Variants in AFF4 observed in about 807,000 individuals in gnomAD.
The protein encoded by AFF4 is ALF transcription elongation factor 4.
In AFF4, 13 loss-of-function variants were observed where a neutral mutation model predicts 124.8. The ratio of observed to expected loss-of-function variants is 0.10; its 90% CI spans 0.07 to 0.17. The LOEUF is 0.17. AFF4 is among the 10% of genes least tolerant of loss of function. The probability of loss-of-function intolerance (pLI) is 1.00; values close to 1 mark genes in which losing one functional copy is unlikely to be tolerated. For missense variants in AFF4, 1,092 were observed against 1,403.8 expected (o/e 0.78, Z 3.55); for synonymous variants, 477 against 496.1 (o/e 0.96, Z 0.51).
intron 10 of AFF4, 102 bp from the exon 11 acceptor site, chr5:132,897,342 T>C (rs1478069720): frequency 3.2e-6 from 4 of 1,245,730 alleles, no homozygotes; most frequent in South Asian, 1.4e-5. Flanking sequence ...CAATGCCTAA[T>C]GCAACAAAAG....
intron 17 of AFF4, 126 bp from the exon 18 acceptor site, chr5:132,886,529 G>A (rs540459473): frequency 2.9e-5 from 22 of 766,450 alleles, no homozygotes; most frequent in African/African-American, 8.7e-5. Flanking sequence ...AACATTAACC[G>A]TTAGGCAAAA....
Position 132,878,845 on chromosome 5 carries a change from C to T in AFF4, c.*2214G>A, listed in dbSNP as rs2150059569. 4.5e-6 allele frequency: 1 copy of T among 223,930 alleles called. No homozygotes were observed. Among genetic ancestry groups the T allele is most frequent in the Middle Eastern group, 1.4e-3 (1 of 734 alleles). 13.9% of individuals were successfully genotyped at this position (223,930 alleles called of 1,614,324 possible). On this transcript the variant is annotated 3_prime_UTR_variant, in exon 21 of 21. Coordinates refer to ENST00000265343, the MANE Select transcript of AFF4 (RefSeq NM_014423.4). ...TACAAGAGACTAGAACACAAGAACTCAGAGGTATCCCACTGGCTGTTGTTG... is the reference window on the plus strand; with the variant it reads ...TACAAGAGACTAGAACACAAGAACTTAGAGGTATCCCACTGGCTGTTGTTG...
At chr5:132,937,456 G>A (rs944340985) in intron 1 of AFF4, among the ~76,000 whole-genome samples, 1 of 152,188 alleles carries the variant, frequency 6.6e-6, no homozygotes, top group Non-Finnish European at 1.5e-5. Flanking sequence ...AATGTTTGAA[G>A]TACTCTGTTA....
chr5:132,911,112 C>T (rs1760783734), intron 5 of AFF4, among the ~76,000 whole-genome samples: 1 of 152,140 alleles, frequency 6.6e-6, no homozygotes, highest in African/African-American at 2.4e-5. Flanking sequence ...TTCTCTTTCC[C>T]ATGGATCATT....
At chr5:132,886,515 C>A in intron 17 of AFF4, 112 bp from the exon 18 acceptor site, 1 of 899,012 alleles carries the variant, frequency 1.1e-6, no homozygotes, top group Non-Finnish European at 1.7e-6. Flanking sequence ...ATGGCATAGG[C>A]CACAACATTA....
intron 5 of AFF4, among the ~76,000 whole-genome samples, chr5:132,918,819 G>C (rs944582267): frequency 2.0e-5 from 3 of 151,658 alleles, no homozygotes; most frequent in African/African-American, 7.3e-5. Flanking sequence ...TTGATCTATA[G>C]ATCCAACACA....
chr5:132,935,755 T>C (rs1275912903), intron 2 of AFF4, among the ~76,000 whole-genome samples: 25 of 137,022 alleles, frequency 1.8e-4, no homozygotes, highest in African/African-American at 6.9e-4. Context: ...AGACTCCATC[T>C]CCGAAAAAAA....
At chr5:132,939,706 G>A (rs1761521815) in intron 1 of AFF4, among the ~76,000 whole-genome samples, 1 of 152,182 alleles carries the variant, frequency 6.6e-6, no homozygotes, top group Non-Finnish European at 1.5e-5. Flanking sequence ...CACCACCCAG[G>A]TTCAATTGAT....
intron 1 of AFF4, chr5:132,945,078 G>C: frequency 5.3e-6 from 1 of 189,102 alleles, no homozygotes; most frequent in South Asian, 1.2e-4. Flanking sequence ...TGCCACCCCA[G>C]TCTCAATCAA....
intron 1 of AFF4, among the ~76,000 whole-genome samples, chr5:132,959,097 C>T (rs188864129): frequency 1.3e-5 from 2 of 151,994 alleles, no homozygotes; most frequent in East Asian, 3.9e-4. Context: ...ACATAAAATG[C>T]CTTCTGTCAG....
At chr5:132,963,224 G>A in intron 1 of AFF4, 35 bp downstream of exon 1, 1 of 389,706 alleles carries the variant, frequency 2.6e-6, no homozygotes, top group Non-Finnish European at 4.5e-6. Flanking sequence ...CCGCGGCCCG[G>A]CCCGGCCCTG....
At chr5:132,952,614 C>T (rs1761871175) in intron 1 of AFF4, among the ~76,000 whole-genome samples, 1 of 152,150 alleles carries the variant, frequency 6.6e-6, no homozygotes, top group Admixed American at 6.6e-5. Context: ...CTCTATGTGG[C>T]CAGGCGCGGT....
chr5:132,955,409 T>C (rs900965783), intron 1 of AFF4, among the ~76,000 whole-genome samples: 15 of 152,180 alleles, frequency 9.9e-5, no homozygotes, highest in African/African-American at 2.4e-5. Context: ...TGTATCACTA[T>C]GAGAATCTGA....
intron 7 of AFF4, among the ~76,000 whole-genome samples, chr5:132,900,006 G>C (rs1481261013): frequency 1.3e-5 from 2 of 152,114 alleles, no homozygotes; most frequent in African/African-American, 4.8e-5. Flanking sequence ...CAATCCACTA[G>C]AGAGATATAA....
rs991149667 is a variant in AFF4 at position 132,954,626 on chromosome 5, C to A, written c.-5+8633G>T. Among the ~76,000 whole-genome samples the A allele has an allele frequency of 1.3e-3, 193 of 148,414 alleles. 1 individual carries two copies. Among genetic ancestry groups the A allele is most frequent in the Non-Finnish European group, 2.4e-3 (163 of 67,240 alleles). ...GCAGTGGCGGGATCTCGGCTCACTG[C>A]AAGCTCCGCCTCCCGGGTTCACGCC... is the stretch of plus-strand genomic sequence containing the variant. On this transcript the variant is annotated intron_variant, in intron 1 of 20. Coordinates refer to ENST00000265343, the MANE Select transcript of AFF4 (RefSeq NM_014423.4).
chr5:132,883,200 G>A (rs1325054469), intron 20 of AFF4, 140 bp downstream of exon 20: 6 of 801,844 alleles, frequency 7.5e-6, no homozygotes, highest in Non-Finnish European at 1.1e-5. Flanking sequence ...TAACTGCTAA[G>A]CAATGAAGAC....
chr5:132,903,277 A>G (rs1273679848), intron 6 of AFF4, among the ~76,000 whole-genome samples: 1 of 152,232 alleles, frequency 6.6e-6, no homozygotes, highest in African/African-American at 2.4e-5. Flanking sequence ...TTAAGGTGGA[A>G]CTAAGAAATT....
chr5:132,903,292 G>A (rs1344114128), intron 6 of AFF4, among the ~76,000 whole-genome samples: 1 of 151,982 alleles, frequency 6.6e-6, no homozygotes, highest in African/African-American at 2.4e-5. Flanking sequence ...GAAATTGATA[G>A]ACAGATAAAG....
intron 20 of AFF4, among the ~76,000 whole-genome samples, chr5:132,881,735 G>GGA (rs775710904): frequency 3.3e-5 from 5 of 151,882 alleles, no homozygotes; most frequent in Non-Finnish European, 5.9e-5. Context: ...CGCCCAGGCT[G>GGA]GAGTGCAGTG....
Sources: gnomAD v4.1 joint callset for allele counts (sites outside exome capture counted in the v4.1 genomes callset) on GRCh38, gnomAD v4.1.1 for gene constraint, MANE v1.5 for transcripts, NCBI Gene and HGNC (gene_info 2026-07-23, HGNC 2026-07-21) for gene names.